Variants in PRICKLE2 observed in about 807,000 individuals in gnomAD.
PRICKLE2 encodes prickle-like protein 2.
PRICKLE2 carries 21 observed loss-of-function variants against 81.4 expected under a neutral mutation model. That is an observed-to-expected ratio of 0.26 (90% confidence interval 0.18 to 0.37). The LOEUF (loss-of-function observed/expected upper bound fraction) is 0.37. PRICKLE2 is among the 10% of genes least tolerant of loss of function. The pLI, the probability that PRICKLE2 is intolerant of heterozygous loss-of-function variation, is 1.00. For synonymous variants in PRICKLE2, 456 were observed against 421.5 expected (o/e 1.08, Z -1.00); for missense variants, 940 against 1,109.0 (o/e 0.85, Z 2.16).
chr3:64,198,272 C>T (rs965332204), intron 2 of PRICKLE2, among the ~76,000 whole-genome samples: 1 of 150,786 alleles, frequency 6.6e-6, no homozygotes, highest in South Asian at 2.1e-4. Context: ...AAAAAAATTT[C>T]AAGGGCTGTT....
intron 7 of PRICKLE2, among the ~76,000 whole-genome samples, chr3:64,130,192 C>A (rs2077176541): frequency 6.6e-6 from 1 of 152,182 alleles, no homozygotes; most frequent in South Asian, 2.1e-4. Context: ...CCACTTCAGC[C>A]CTTAGCTATC....
chr3:64,108,091 C>A (rs963945382), intron 7 of PRICKLE2, among the ~76,000 whole-genome samples: 8 of 152,180 alleles, frequency 5.3e-5, no homozygotes, highest in Admixed American at 3.9e-4. Flanking sequence ...CACAACTACA[C>A]CTATTCATTT....
chr3:64,189,671 C>G (rs1183402318), intron 2 of PRICKLE2, among the ~76,000 whole-genome samples: 4 of 152,160 alleles, frequency 2.6e-5, no homozygotes, highest in African/African-American at 9.7e-5. Flanking sequence ...CACGCAAACC[C>G]TGTTTATTAA....
At chr3:64,166,342 T>C (rs1201056921) in intron 2 of PRICKLE2, among the ~76,000 whole-genome samples, 2 of 152,138 alleles carry the variant, frequency 1.3e-5, no homozygotes, top group East Asian at 1.9e-4. Context: ...ATTAGAGACA[T>C]TCAGTACTTT....
intron 2 of PRICKLE2, among the ~76,000 whole-genome samples, chr3:64,168,508 A>G (rs577463166): frequency 2.0e-5 from 3 of 152,342 alleles, no homozygotes; most frequent in Admixed American, 2.0e-4. Context: ...TGAATGAAGG[A>G]AGCGGTCATC....
chr3:64,216,861 C>T (rs2078879946), intron 1 of PRICKLE2, among the ~76,000 whole-genome samples: 1 of 152,154 alleles, frequency 6.6e-6, no homozygotes, highest in Non-Finnish European at 1.5e-5. Flanking sequence ...TCGGAGTGGC[C>T]CAACCTCCAC....
At chr3:64,242,035 G>A (rs1478740314) in intron 2 of PRICKLE2, among the ~76,000 whole-genome samples, 1 of 152,058 alleles carries the variant, frequency 6.6e-6, no homozygotes, top group Admixed American at 6.6e-5. Context: ...GCTCAGATTA[G>A]CTGAAGGGTT....
intron 1 of PRICKLE2, among the ~76,000 whole-genome samples, chr3:64,213,137 C>T (rs1323431633): frequency 4.8e-5 from 7 of 147,244 alleles, no homozygotes; most frequent in South Asian, 2.1e-4. Context: ...AGTGCAATGG[C>T]GCAATCTCGG....
chr3:64,189,215 G>C (rs1252794485), intron 2 of PRICKLE2, among the ~76,000 whole-genome samples: 1 of 152,162 alleles, frequency 6.6e-6, no homozygotes, highest in Non-Finnish European at 1.5e-5. Context: ...GAAGAGATAA[G>C]GATAAACAGA....
intron 2 of PRICKLE2, among the ~76,000 whole-genome samples, chr3:64,190,824 C>T (rs1239535439): frequency 6.6e-6 from 1 of 152,144 alleles, no homozygotes; most frequent in East Asian, 1.9e-4. Context: ...TGGGAAGACT[C>T]CCTTTGCACT....
intron 1 of PRICKLE2, among the ~76,000 whole-genome samples, chr3:64,217,451 A>G (rs1004482961): frequency 6.6e-6 from 1 of 152,248 alleles, no homozygotes; most frequent in Non-Finnish European, 1.5e-5. Flanking sequence ...CATTGTACCC[A>G]TTAAGTAATT....
At chr3:64,145,657 C>T (rs1197258746) in intron 7 of PRICKLE2, 1 of 151,860 alleles carries the variant, frequency 6.6e-6, no homozygotes, top group Admixed American at 6.6e-5. Context: ...CCAAACATTT[C>T]TTATGTCTTT....
intron 1 of PRICKLE2, among the ~76,000 whole-genome samples, chr3:64,223,469 G>C (rs1294459622): frequency 6.6e-6 from 1 of 152,050 alleles, no homozygotes; most frequent in Admixed American, 6.5e-5. Flanking sequence ...TTCCATAAAT[G>C]CATCTTTCTT....
intron 2 of PRICKLE2, among the ~76,000 whole-genome samples, chr3:64,257,435 A>G (rs1049743473): frequency 6.6e-6 from 1 of 152,192 alleles, no homozygotes; most frequent in African/African-American, 2.4e-5. Context: ...AAGAAAAGGC[A>G]TATGTGCAGC....
chr3:64,259,244 A>C (rs888342397), intron 2 of PRICKLE2, among the ~76,000 whole-genome samples: 2 of 152,244 alleles, frequency 1.3e-5, no homozygotes, highest in Non-Finnish European at 2.9e-5. Context: ...CAGCAGTAGT[A>C]AAAATATATA....
At chr3:64,124,425 A>G (rs2077076229) in intron 7 of PRICKLE2, among the ~76,000 whole-genome samples, 1 of 152,244 alleles carries the variant, frequency 6.6e-6, no homozygotes, top group South Asian at 2.1e-4. Flanking sequence ...GCTACACTAA[A>G]CAGATTTTCA....
intron 2 of PRICKLE2, among the ~76,000 whole-genome samples, chr3:64,198,526 C>T (rs2078506020): frequency 6.6e-6 from 1 of 152,094 alleles, no homozygotes; most frequent in Admixed American, 6.5e-5. Context: ...ATGTGGTACA[C>T]CTCTGAGATG....
chr3:64,103,966 C>T lies in PRICKLE2; in HGVS notation c.1661-4041G>A, dbSNP rs930668913. Among the ~76,000 whole-genome samples, 5 of 151,962 alleles carry T rather than the reference C, an allele frequency of 3.3e-5. No individual in the cohort carries two copies. The South Asian group carries it at 8.3e-4, about 25-fold the overall frequency. On this transcript the variant is annotated intron_variant, in intron 7 of 7. Coordinates refer to ENST00000638394, the MANE Select transcript of PRICKLE2 (RefSeq NM_198859.4). ...CTGTGCTCCAGCCTGGGCAACAGAGCGAGCCCCTGTCTCCAAAAAATAAAC... is the reference window on the plus strand; with the variant it reads ...CTGTGCTCCAGCCTGGGCAACAGAGTGAGCCCCTGTCTCCAAAAAATAAAC...
intron 2 of PRICKLE2, among the ~76,000 whole-genome samples, chr3:64,248,812 A>G (rs2079399106): frequency 6.6e-6 from 1 of 152,192 alleles, no homozygotes; most frequent in Admixed American, 6.5e-5. Flanking sequence ...ACCTGTGCTA[A>G]TAACAGACCA....
Sources: allele counts gnomAD v4.1 joint callset (sites outside exome capture counted in the v4.1 genomes callset), GRCh38; gene constraint gnomAD v4.1.1; transcripts MANE v1.5; gene names NCBI Gene and HGNC (gene_info 2026-07-23, HGNC 2026-07-21).